Variants in DNAJC25 observed in about 807,000 individuals in gnomAD.
The protein encoded by DNAJC25 is DnaJ heat shock protein family (Hsp40) member C25, also known as dnaJ homolog subfamily C member 25.
A neutral mutation model predicts 42.1 loss-of-function variants in DNAJC25; 26 were observed. That is an observed-to-expected ratio of 0.62 (90% CI 0.45 to 0.86). The LOEUF (loss-of-function observed/expected upper bound fraction) is 0.86. Among genes scored for constraint, DNAJC25 ranks in the 40% least tolerant of loss-of-function variants. The probability of loss-of-function intolerance (pLI) is 0.00; values close to 1 mark genes in which losing one functional copy is unlikely to be tolerated. For missense variants in DNAJC25, 404 were observed against 459.4 expected (o/e 0.88, Z 1.10); for synonymous variants, 189 against 179.9 (o/e 1.05, Z -0.40).
chr9:111,653,068 T>C, intron 3 of DNAJC25, 32 bp from the exon 4 acceptor site: 1 of 1,539,258 alleles, frequency 6.5e-7, no homozygotes, highest in Non-Finnish European at 8.8e-7. Flanking sequence ...CCTCTTTGGA[T>C]TGTGAAGTCA....
At chr9:111,647,386 A>C in intron 2 of DNAJC25, 127 bp downstream of exon 2, 1 of 1,214,216 alleles carries the variant, frequency 8.2e-7, no homozygotes, top group Non-Finnish European at 1.1e-6. Context: ...GATCTGTTTT[A>C]GTCATTGGCA....
chr9:111,639,222 C>A (rs1392148486), intron 1 of DNAJC25, among the ~76,000 whole-genome samples: 2 of 152,134 alleles, frequency 1.3e-5, no homozygotes, highest in Non-Finnish European at 2.9e-5. Flanking sequence ...GTCTTTTATT[C>A]TCTTTTTGTG....
In DNAJC25 at chr9:111,649,508, CCAAGTACCGTATCCAAGCTA is replaced by C. The variant is rs1830616772; in HGVS notation, c.548_567del (p.Lys183ArgfsTer27). ...GCAATCAGCTACCTAGCCACAGTGC[CCAAGTACCGTATCCAAGCTA>C]CAGAGATTGCCAAGCAGCAGGGACT... On this transcript the variant is annotated frameshift_variant, in exon 3 of 4. Coordinates refer to ENST00000313525, the MANE Select transcript of DNAJC25 (RefSeq NM_001015882.3). LOFTEE classifies it high-confidence loss of function. 6.2e-7 allele frequency: 1 copy of C among 1,612,596 alleles called. No homozygotes were observed. The highest frequency in any genetic ancestry group is 1.7e-5 in the Admixed American group (1 of 59,646).
intron 2 of DNAJC25, among the ~76,000 whole-genome samples, chr9:111,649,151 T>C (rs189595363): frequency 6.6e-6 from 1 of 152,338 alleles, no homozygotes; most frequent in Admixed American, 6.5e-5. Flanking sequence ...AGCCAAATGG[T>C]AAAGATACGA....
intron 1 of DNAJC25, among the ~76,000 whole-genome samples, chr9:111,641,176 T>G (rs1347435595): frequency 9.9e-5 from 7 of 70,374 alleles, no homozygotes; most frequent in African/African-American, 1.4e-4. Flanking sequence ...GGGAGGGAGG[T>G]GGGGGGGTCA....
At chr9:111,645,012 C>T (rs541820975) in intron 1 of DNAJC25, among the ~76,000 whole-genome samples, 10 of 152,272 alleles carry the variant, frequency 6.6e-5, no homozygotes, top group Admixed American at 2.0e-4. Context: ...GCAGCTGCCA[C>T]AAGAAAATCC....
At chr9:111,641,004 G>C (rs1351008665) in intron 1 of DNAJC25, among the ~76,000 whole-genome samples, 2 of 104,968 alleles carry the variant, frequency 1.9e-5, no homozygotes, top group Non-Finnish European at 3.6e-5. Context: ...GGAGGTGGGG[G>C]GGTCAGCCCC....
intron 1 of DNAJC25, among the ~76,000 whole-genome samples, chr9:111,633,164 T>C (rs1361286094): frequency 6.6e-6 from 1 of 152,170 alleles, no homozygotes; most frequent in Admixed American, 6.5e-5. Flanking sequence ...CTGTTCCTTG[T>C]AGTCAGCCAG....
intron 1 of DNAJC25, among the ~76,000 whole-genome samples, chr9:111,639,170 C>T (rs1221527691): frequency 6.6e-6 from 1 of 152,136 alleles, no homozygotes; most frequent in Non-Finnish European, 1.5e-5. Flanking sequence ...TTGCTAGATT[C>T]TTCTTCTAGA....
chr9:111,642,800 C>A, intron 1 of DNAJC25: 1 of 469,488 alleles, frequency 2.1e-6, no homozygotes, highest in Non-Finnish European at 4.4e-6. Flanking sequence ...TCAGTACTTT[C>A]TTTGCTTGTG....
intron 1 of DNAJC25, among the ~76,000 whole-genome samples, chr9:111,642,068 G>GA (rs1299489203): frequency 1.0e-4 from 13 of 125,140 alleles, no homozygotes; most frequent in African/African-American, 3.7e-4. Flanking sequence ...ACTGGGAAGT[G>GA]AGGAGCCCCT....
At chr9:111,642,856 G>T (rs1377771887) in intron 1 of DNAJC25, 1 of 471,026 alleles carries the variant, frequency 2.1e-6, no homozygotes, top group East Asian at 6.9e-5. Flanking sequence ...TTATGTTCCA[G>T]TCCTCCTGCA....
intron 3 of DNAJC25, among the ~76,000 whole-genome samples, 173 bp downstream of exon 3, chr9:111,650,096 G>A (rs1420431004): frequency 6.6e-6 from 1 of 152,128 alleles, no homozygotes; most frequent in African/African-American, 2.4e-5. Flanking sequence ...GAGACGGTGG[G>A]TTTTTAACCT....
intron 2 of DNAJC25, 81 bp from the exon 3 acceptor site, chr9:111,649,372 T>G: frequency 6.9e-7 from 1 of 1,445,380 alleles, no homozygotes; most frequent in Non-Finnish European, 9.1e-7. Flanking sequence ...GAGATGGTAT[T>G]CACCGAGACT....
intron 3 of DNAJC25, 86 bp downstream of exon 3, chr9:111,650,009 G>T (rs1247641336): frequency 9.0e-6 from 11 of 1,227,774 alleles, no homozygotes; most frequent in Non-Finnish European, 1.2e-5. Flanking sequence ...TCACAGAAGT[G>T]TGCTCACATT....
At chr9:111,646,941 C>A in intron 1 of DNAJC25, 166 bp from the exon 2 acceptor site, 2 of 653,422 alleles carry the variant, frequency 3.1e-6, no homozygotes, top group Non-Finnish European at 4.5e-6. Context: ...TGAAAATTTA[C>A]ATGGCTTTGA....
intron 1 of DNAJC25, 165 bp from the exon 2 acceptor site, chr9:111,646,942 A>C: frequency 1.5e-6 from 1 of 657,198 alleles, no homozygotes; most frequent in Non-Finnish European, 2.2e-6. Flanking sequence ...GAAAATTTAC[A>C]TGGCTTTGAA....
intron 1 of DNAJC25, chr9:111,643,023 T>G (rs1247219020): frequency 1.1e-5 from 5 of 438,354 alleles, no homozygotes; most frequent in African/African-American, 2.0e-5. Flanking sequence ...TGGAAAGAAG[T>G]TGGAATCTCC....
intron 1 of DNAJC25, among the ~76,000 whole-genome samples, chr9:111,640,543 A>C (rs1386300300): frequency 2.7e-5 from 1 of 37,222 alleles, no homozygotes; most frequent in Non-Finnish European, 4.6e-5. Flanking sequence ...CCGGCCGCCC[A>C]TCGTCTGAGA....
Sources: allele counts gnomAD v4.1 joint callset (sites outside exome capture counted in the v4.1 genomes callset), GRCh38; gene constraint gnomAD v4.1.1; transcripts MANE v1.5; gene names NCBI Gene and HGNC (gene_info 2026-07-23, HGNC 2026-07-21).